RAB3A: variants seen among roughly 807,000 people sequenced by gnomAD.
RAB3A encodes RAB3A, member RAS oncogene family.
RAB3A carries 5 observed loss-of-function variants against 19.7 expected under a neutral mutation model. The ratio of observed to expected loss-of-function variants is 0.25; its 90% CI spans 0.13 to 0.53. The LOEUF is 0.53. RAB3A is among the 20% of genes least tolerant of loss of function. The pLI, the probability that RAB3A is intolerant of heterozygous loss-of-function variation, is 0.95. For synonymous variants in RAB3A, 119 were observed against 122.1 expected (o/e 0.97, Z 0.17); for missense variants, 189 against 305.6 (o/e 0.62, Z 2.85).
At position 18,197,515 on chromosome 19, in the gene RAB3A, C is replaced by T. The variant is rs1315949754; in HGVS notation, c.618G>A (p.Gln206=). 2.5e-6 allele frequency: 4 copies of T among 1,613,328 alleles called. No individual in the cohort carries two copies. Among genetic ancestry groups the T allele is most frequent in the Middle Eastern group, 1.8e-4 (1 of 5,578 alleles). Residue 206 remains glutamine, a synonymous_variant, in exon 5 of 5, where the codon CAG becomes CAA. Coordinates refer to ENST00000222256, the MANE Select transcript of RAB3A (RefSeq NM_002866.5). ...GCGGTGGCACCTGCTGGTCACTGAGCTGTGGGCCCTGCTTGGCGCCTGTGA... is the reference window on the plus strand; with the variant it reads ...GCGGTGGCACCTGCTGGTCACTGAGTTGTGGGCCCTGCTTGGCGCCTGTGA... ...PAVTGAKQGP[Q]LSDQQVPPHQ...
Position 18,202,721 on chromosome 19 carries a change from G to A in RAB3A, c.20C>T (p.Ser7Leu), listed in dbSNP as rs771003611. The A allele has an allele frequency of 1.2e-6, 2 of 1,614,094 alleles. No individual in the cohort carries two copies. The highest frequency in any genetic ancestry group is 4.5e-5 in the East Asian group (2 of 44,856). Reference protein sequence around the residue: MASATDSRYGQKESSDQ... With the variant: MASATDLRYGQKESSDQ... ...CGAGGACTCCTTCTGCCCATAGCGC[G>A]AGTCTGTGGCGGATGCCATCTGGGG... is the stretch of plus-strand genomic sequence containing the variant. The change falls in exon 2 of 5, where the codon TCG (serine) becomes TTG (leucine). Residue 7 changes from serine (S) to leucine (L), a missense_variant. Physicochemically the swap from Ser to Leu is moderately radical, Grantham distance 145. Coordinates refer to ENST00000222256, the MANE Select transcript of RAB3A (RefSeq NM_002866.5). This position sits in a 1 kb window ranked among gnomAD's most constrained non-coding sequence, Gnocchi z 4.2.
rs983888838 is a variant in RAB3A at position 18,202,013 on chromosome 19, G to C, written c.228+500C>G. On this transcript the variant is annotated intron_variant, in intron 2 of 4. Transcript: ENST00000222256. The surrounding 1 kb of genome is among the most constrained non-coding windows in gnomAD (Gnocchi z 4.2). ...TTTGAGAGGCTGAGGTGGGAGGATC[G>C]CTTGAGCCCAGGAGTTCAAGACCAG... Among the ~76,000 whole-genome samples the C allele has an allele frequency of 6.6e-6, 1 of 152,046 alleles. No homozygotes were observed. The highest frequency in any genetic ancestry group is 1.5e-5 in the Non-Finnish European group (1 of 68,004).
chr19:18,199,003 G>A (rs773510622), intron 3 of RAB3A, among the ~76,000 whole-genome samples, 154 bp from the exon 4 acceptor site: 9 of 150,562 alleles, frequency 6.0e-5, no homozygotes, highest in Non-Finnish European at 1.3e-4. Context: ...AATGTGCCCC[G>A]CTTTCACCCC....
Position 18,197,222 on chromosome 19 carries a change from GAC to G in RAB3A, c.*246_*247del. On this transcript the variant is annotated 3_prime_UTR_variant, in exon 5 of 5. Coordinates refer to ENST00000222256, the MANE Select transcript of RAB3A (RefSeq NM_002866.5). ...GAGCGGTGAGTTCACGGGGCCACGA[GAC>G]ACCACAGCTGAGTGGGGAAAGGGCT... 2.2e-6 allele frequency: 1 copy of G among 455,870 alleles called. No individual in the cohort carries two copies. Among genetic ancestry groups the G allele is most frequent in the African/African-American group, 2.1e-5 (1 of 48,770 alleles). 28.2% of individuals were successfully genotyped at this position (455,870 alleles called of 1,614,324 possible). A position where few individuals can be genotyped will look rare whatever the true frequency, so the allele number is the denominator to read the frequency against.
At chr19:18,203,695 G>T (rs892918121) in intron 1 of RAB3A, among the ~76,000 whole-genome samples, 1 of 152,204 alleles carries the variant, frequency 6.6e-6, no homozygotes, top group Non-Finnish European at 1.5e-5. Context: ...CCGCAGAGCA[G>T]GGGGGTTGGG....
intron 4 of RAB3A, among the ~76,000 whole-genome samples, 159 bp from the exon 5 acceptor site, chr19:18,197,819 C>A (rs997277838): frequency 2.1e-5 from 3 of 145,918 alleles, no homozygotes; most frequent in Non-Finnish European, 4.5e-5. Flanking sequence ...ATTGAAGGTA[C>A]TGACAAATCC....
Position 18,202,467 on chromosome 19 carries a change from C to T in RAB3A, c.228+46G>A, listed in dbSNP as rs769559827. ...GAGGTTGGGGCTGCTTTTCCAAGTA[C>T]GGGAATCCAACCGAGCCGGGCGGGA... On this transcript the variant is annotated intron_variant, in intron 2 of 4. Coordinates refer to ENST00000222256, the MANE Select transcript of RAB3A (RefSeq NM_002866.5). The surrounding 1 kb of genome is among the most constrained non-coding windows in gnomAD (Gnocchi z 4.2). The T allele has an allele frequency of 3.2e-6, 5 of 1,550,542 alleles. No homozygotes were observed. The Admixed American group carries it at 5.1e-5, about 16-fold the overall frequency.
intron 3 of RAB3A, among the ~76,000 whole-genome samples, chr19:18,199,814 G>A (rs1035317780): frequency 7.7e-4 from 117 of 151,860 alleles, no homozygotes; most frequent in Non-Finnish European, 4.3e-4. Context: ...GTGAGCCACC[G>A]TGCCCGGCCA....
Position 18,202,891 on chromosome 19 carries a change from T to C in RAB3A, c.1-151A>G, listed in dbSNP as rs1967633382. ...CAGGAGCCCCAGTATTAATTGGTGG[T>C]GCCCCCAGCAGAGGGCAGCCTGTGA... On this transcript the variant is annotated intron_variant, in intron 1 of 4. Coordinates refer to ENST00000222256, the MANE Select transcript of RAB3A (RefSeq NM_002866.5). This position sits in a 1 kb window ranked among gnomAD's most constrained non-coding sequence, Gnocchi z 4.2. The C allele has an allele frequency of 1.6e-6, 1 of 625,664 alleles. No homozygotes were observed. The highest frequency in any genetic ancestry group is 2.8e-5 in the Admixed American group (1 of 35,290). The allele number at this position is 625,664 out of a possible 1,614,324, so 38.8% of individuals were successfully genotyped here.
intron 1 of RAB3A, among the ~76,000 whole-genome samples, chr19:18,203,036 A>T (rs1271828668): frequency 2.0e-5 from 3 of 152,172 alleles, no homozygotes; most frequent in Non-Finnish European, 4.4e-5. Flanking sequence ...CCCAGGGCTG[A>T]GCCCGGAGGG....
intron 1 of RAB3A, among the ~76,000 whole-genome samples, chr19:18,203,333 G>A (rs534324286): frequency 6.6e-6 from 1 of 152,308 alleles, no homozygotes; most frequent in East Asian, 1.9e-4. Flanking sequence ...ACACCTGTTT[G>A]CACACCGACT....
chr19:18,200,378 A>G lies in RAB3A; in HGVS notation c.296T>C (p.Ile99Thr). Residue 99 changes from isoleucine to threonine, a missense_variant, in exon 3 of 5, where the codon ATC becomes ACC. Physicochemically the swap from Ile to Thr is moderately conservative, Grantham distance 89 (BLOSUM62 -1). Coordinates refer to ENST00000222256, the MANE Select transcript of RAB3A (RefSeq NM_002866.5). ...CTCGTTGGTGATGTCATACATGAGG[A>G]TGAAGCCCATAGCGCCCCGGTAGTA... Reference protein sequence around the residue: ...TAYYRGAMGFILMYDITNEES... With the variant: ...TAYYRGAMGFTLMYDITNEES... The G allele has an allele frequency of 6.2e-7, 1 of 1,614,152 alleles. No individual in the cohort carries two copies. The highest frequency in any genetic ancestry group is 8.5e-7 in the Non-Finnish European group (1 of 1,179,996).
At chr19:18,200,769 T>C (rs1332017152) in intron 2 of RAB3A, among the ~76,000 whole-genome samples, 1 of 152,064 alleles carries the variant, frequency 6.6e-6, no homozygotes, top group African/African-American at 2.4e-5. Context: ...ACCCCATCTC[T>C]ACAAAAAGTA....
At position 18,202,306 on chromosome 19, in the gene RAB3A, A is replaced by G; in HGVS notation, c.228+207T>C. On this transcript the variant is annotated intron_variant, in intron 2 of 4. Transcript: ENST00000222256. This position sits in a 1 kb window ranked among gnomAD's most constrained non-coding sequence, Gnocchi z 4.2. ...ACCTCATACATGGAAGAACTTGAAG[A>G]TGGGGAAACTGAGGGACCAGGATTA... The G allele has an allele frequency of 1.8e-6, 1 of 544,808 alleles. No homozygotes were observed. The highest frequency in any genetic ancestry group is 3.3e-6 in the Non-Finnish European group (1 of 303,400). 33.7% of individuals were successfully genotyped at this position (544,808 alleles called of 1,614,324 possible).
At chr19:18,199,376 C>T (rs939151018) in intron 3 of RAB3A, among the ~76,000 whole-genome samples, 7 of 151,828 alleles carry the variant, frequency 4.6e-5, no homozygotes, top group African/African-American at 9.7e-5. Context: ...ACGATGGACT[C>T]GAACTCCTGA....
Position 18,202,764 on chromosome 19 carries a change from G to C in RAB3A, c.1-24C>G, listed in dbSNP as rs953301267. On this transcript the variant is annotated intron_variant, in intron 1 of 4. Transcript: ENST00000222256. This position sits in a 1 kb window ranked among gnomAD's most constrained non-coding sequence, Gnocchi z 4.2. The stretch of plus-strand genomic sequence containing the variant: ...ATCTGGGGATACCGGGTGTAGCAGA[G>C]CCGTGAGGGGGGCTCTCTCCATCCT... 1.9e-6 allele frequency: 3 copies of C among 1,589,920 alleles called. No individual in the cohort carries two copies. In the African/African-American group the frequency reaches 4.0e-5, roughly 21 times the overall value.
rs1212616297 is a variant in RAB3A, at chr19:18,204,016, C to G, written c.-121G>C. ...GCGGCGGCGGCAGCAGCGGCTCAGG[C>G]CCCTGCAGTCCTCCGTGACGTCCTG... On this transcript the variant is annotated 5_prime_UTR_variant, in exon 1 of 5. Coordinates refer to ENST00000222256, the MANE Select transcript of RAB3A (RefSeq NM_002866.5). The G allele has an allele frequency of 6.5e-6, 1 of 154,972 alleles. No individual in the cohort carries two copies. The highest frequency in any genetic ancestry group is 1.4e-5 in the Non-Finnish European group (1 of 69,010). The allele number at this position is 154,972 out of a possible 1,614,324, so 9.6% of individuals were successfully genotyped here.
At position 18,197,262 on chromosome 19, in the gene RAB3A, GGGGCAGGGCTTGGGGC is replaced by G; in HGVS notation, c.*192_*207del. 1.7e-6 allele frequency: 1 copy of G among 571,964 alleles called. No homozygotes were observed. The highest frequency in any genetic ancestry group is 3.1e-6 in the Non-Finnish European group (1 of 327,532). 35.4% of individuals were successfully genotyped at this position (571,964 alleles called of 1,614,324 possible). Reference sequence around the variant, plus strand: ...TGGGGAAAGGGCTATATGTACAGGAGGGGCAGGGCTTGGGGCGGGCAGGGGAGCCTGGGCCCCTGGG... The same window carrying G: ...TGGGGAAAGGGCTATATGTACAGGAGGGGCAGGGGAGCCTGGGCCCCTGGG... On this transcript the variant is annotated 3_prime_UTR_variant, in exon 5 of 5. Transcript: ENST00000222256.
chr19:18,198,936 C>T, intron 3 of RAB3A, 87 bp from the exon 4 acceptor site: 2 of 1,507,742 alleles, frequency 1.3e-6, no homozygotes, highest in Admixed American at 2.0e-5. Flanking sequence ...GTGTCCTTGT[C>T]CGAGGAAGAA....
Sources: allele counts gnomAD v4.1 joint callset (sites outside exome capture counted in the v4.1 genomes callset), GRCh38; gene constraint gnomAD v4.1.1; non-coding constraint Gnocchi (gnomAD v3.1); transcripts MANE v1.5; gene names NCBI Gene and HGNC (gene_info 2026-07-23, HGNC 2026-07-21).